ADAM9: variants seen among roughly 807,000 people sequenced by gnomAD.
ADAM9 encodes ADAM metallopeptidase domain 9.
In ADAM9, 54 loss-of-function variants were observed where a neutral mutation model predicts 108.1. The ratio of observed to expected loss-of-function variants is 0.50; its 90% CI spans 0.40 to 0.63. The LOEUF (loss-of-function observed/expected upper bound fraction) is 0.63. Among genes scored for constraint, ADAM9 ranks in the 20% least tolerant of loss-of-function variants. ADAM9 has a pLI of 0.00. For missense variants in ADAM9, 830 were observed against 997.7 expected (o/e 0.83, Z 2.26); for synonymous variants, 316 against 336.0 (o/e 0.94, Z 0.65).
In ADAM9 at chr8:39,046,416, G is replaced by A. The variant is rs905451429; in HGVS notation, c.1302+4299G>A. Among the ~76,000 whole-genome samples the A allele has an allele frequency of 3.3e-5, 5 of 152,206 alleles. No homozygotes were observed. The East Asian group carries it at 9.7e-4, about 29-fold the overall frequency. On this transcript the variant is annotated intron_variant, in intron 12 of 21. Coordinates refer to ENST00000487273, the MANE Select transcript of ADAM9 (RefSeq NM_003816.3). ...TATGATCATGTCATCTTAAAAGAGGGACAGTTTTGCTTCATTTCCGATTTA... is the reference window on the plus strand; with the variant it reads ...TATGATCATGTCATCTTAAAAGAGGAACAGTTTTGCTTCATTTCCGATTTA...
intron 14 of ADAM9, among the ~76,000 whole-genome samples, chr8:39,059,728 T>C (rs897259789): frequency 6.6e-6 from 1 of 152,220 alleles, no homozygotes; most frequent in African/African-American, 2.4e-5. Context: ...CCAGGTGCAC[T>C]TCAGGGATGT....
chr8:39,083,170 A>G, intron 18 of ADAM9, 97 bp downstream of exon 18: 1 of 861,408 alleles, frequency 1.2e-6, no homozygotes, highest in Non-Finnish European at 1.9e-6. Context: ...CATCAGTTAT[A>G]CATTTAATTA....
chr8:39,056,030 T>C (rs1278344679), intron 14 of ADAM9, among the ~76,000 whole-genome samples: 2 of 152,094 alleles, frequency 1.3e-5, no homozygotes, highest in East Asian at 1.9e-4. Flanking sequence ...TAGTATCTAG[T>C]TTTAATAATG....
intron 1 of ADAM9, among the ~76,000 whole-genome samples, chr8:39,007,174 C>T (rs964501588): frequency 3.9e-5 from 6 of 152,134 alleles, no homozygotes; most frequent in Non-Finnish European, 7.4e-5. Context: ...GGTCATAAGG[C>T]AAGAGGAAGC....
chr8:39,086,532 T>G (rs190329300), intron 18 of ADAM9, among the ~76,000 whole-genome samples: 1 of 152,342 alleles, frequency 6.6e-6, no homozygotes, highest in Admixed American at 6.5e-5. Context: ...CAATCTTTAC[T>G]TTTTTGAACA....
chr8:39,039,331 A>G (rs1837383505), intron 11 of ADAM9, among the ~76,000 whole-genome samples: 1 of 152,226 alleles, frequency 6.6e-6, no homozygotes, highest in Non-Finnish European at 1.5e-5. Flanking sequence ...TTTGATGTAA[A>G]TATAGGTGGT....
At chr8:39,097,602 G>A (rs1434399823) in intron 20 of ADAM9, among the ~76,000 whole-genome samples, 1 of 152,038 alleles carries the variant, frequency 6.6e-6, no homozygotes, top group Admixed American at 6.6e-5. Context: ...ACTGAGCTTG[G>A]CCTGTTGTCT....
At chr8:39,028,907 TAATAAC>T (rs1837010731) in intron 11 of ADAM9, among the ~76,000 whole-genome samples, 1 of 152,120 alleles carries the variant, frequency 6.6e-6, no homozygotes, top group African/African-American at 2.4e-5. Context: ...AACTGGATGT[TAATAAC>T]AGAAACCTGA....
At chr8:39,079,167 G>A (rs914732829) in intron 16 of ADAM9, among the ~76,000 whole-genome samples, 1 of 152,184 alleles carries the variant, frequency 6.6e-6, no homozygotes, top group East Asian at 1.9e-4. Flanking sequence ...CCTTACCTGC[G>A]AAGTTTAACT....
At chr8:39,018,102 G>A (rs1377038328) in intron 6 of ADAM9, among the ~76,000 whole-genome samples, 1 of 152,146 alleles carries the variant, frequency 6.6e-6, no homozygotes, top group African/African-American at 2.4e-5. Flanking sequence ...CTCTTGACAT[G>A]GGTGTCTCTT....
In ADAM9 at chr8:39,017,432, T is replaced by G; in HGVS notation, c.606+18T>G. 1 of 1,609,164 alleles carries G rather than the reference T, an allele frequency of 6.2e-7. No homozygotes were observed. Among genetic ancestry groups the G allele is most frequent in the Non-Finnish European group, 8.5e-7 (1 of 1,176,174 alleles). On this transcript the variant is annotated intron_variant, in intron 6 of 21. Coordinates refer to ENST00000487273, the MANE Select transcript of ADAM9 (RefSeq NM_003816.3). ...TACTTCGAGTAAGGAAATAACATAATTCTTCATGGCTCAGACTACCATTTT... is the reference window on the plus strand; with the variant it reads ...TACTTCGAGTAAGGAAATAACATAAGTCTTCATGGCTCAGACTACCATTTT...
chr8:39,038,068 A>G (rs1164486054), intron 11 of ADAM9, among the ~76,000 whole-genome samples: 1 of 152,154 alleles, frequency 6.6e-6, no homozygotes, highest in African/African-American at 2.4e-5. Context: ...AAGCAATCCA[A>G]CCACTTCTTA....
Position 39,045,107 on chromosome 8 carries a change from TACATACATATGTGTGTGTGC to T in ADAM9, c.1302+2992_1302+3011del, listed in dbSNP as rs1564297459. Among the ~76,000 whole-genome samples the T allele has an allele frequency of 1.2e-3, 24 of 20,548 alleles. 3 individuals are homozygous for T. Among genetic ancestry groups the T allele is most frequent in the African/African-American group, 2.7e-3 (14 of 5,264 alleles). The allele number at this position is 20,548 out of a possible 152,430, so 13.5% of individuals were successfully genotyped here. On this transcript the variant is annotated intron_variant, in intron 12 of 21. Coordinates refer to ENST00000487273, the MANE Select transcript of ADAM9 (RefSeq NM_003816.3). ...GCATACATACATATGTGTGTGTGCA[TACATACATATGTGTGTGTGC>T]ATACATACATATATGTGTATATATG...
rs1172477743 is a variant in ADAM9, at chr8:39,045,144, GTATA to G, written c.1302+3031_1302+3034del. 3.5e-3 allele frequency among the ~76,000 whole-genome samples: 370 copies of G among 105,516 alleles called. 50 individuals carry two copies. Among genetic ancestry groups the G allele is most frequent in the East Asian group, 5.5e-3 (21 of 3,824 alleles). 69.2% of individuals were successfully genotyped at this position (105,516 alleles called of 152,430 possible). A position where few individuals can be genotyped will look rare whatever the true frequency, so the allele number is the denominator to read the frequency against. On this transcript the variant is annotated intron_variant, in intron 12 of 21. Coordinates refer to ENST00000487273, the MANE Select transcript of ADAM9 (RefSeq NM_003816.3). ...TGTGTGTGCATACATACATATATGT[GTATA>G]TATGTGTATACATACATATATGTGT...
intron 14 of ADAM9, among the ~76,000 whole-genome samples, chr8:39,063,973 C>T (rs1838377799): frequency 6.6e-6 from 1 of 152,186 alleles, no homozygotes; most frequent in Non-Finnish European, 1.5e-5. Context: ...CTTTAGGGCA[C>T]ACACAGAAAA....
At chr8:39,102,710 A>G (rs1401073581) in intron 21 of ADAM9, among the ~76,000 whole-genome samples, 1 of 152,254 alleles carries the variant, frequency 6.6e-6, no homozygotes. Flanking sequence ...GGACTTTAAA[A>G]TAACTATGAT....
At chr8:39,051,676 A>G (rs1191259882) in intron 12 of ADAM9, among the ~76,000 whole-genome samples, 2 of 152,208 alleles carry the variant, frequency 1.3e-5, no homozygotes, top group Non-Finnish European at 2.9e-5. Flanking sequence ...GCATAAATAA[A>G]ATCAGACTTA....
chr8:39,053,036 G>A (rs769555247), intron 12 of ADAM9, among the ~76,000 whole-genome samples: 2 of 152,122 alleles, frequency 1.3e-5, no homozygotes, highest in Non-Finnish European at 2.9e-5. Flanking sequence ...TCTATTGAGT[G>A]TGAGGTGGTG....
intron 7 of ADAM9, 78 bp from the exon 8 acceptor site, chr8:39,021,565 T>C: frequency 7.8e-7 from 1 of 1,278,414 alleles, no homozygotes; most frequent in Non-Finnish European, 1.1e-6. Context: ...ATTACAGGCA[T>C]GAGGTACTGC....
Sources: allele counts gnomAD v4.1 joint callset (sites outside exome capture counted in the v4.1 genomes callset), GRCh38; gene constraint gnomAD v4.1.1; transcripts MANE v1.5; gene names NCBI Gene and HGNC (gene_info 2026-07-23, HGNC 2026-07-21).